The following TMOD3 variants were observed in gnomAD, a reference collection of about 807,000 sequenced individuals.
TMOD3 encodes tropomodulin-3.
TMOD3 carries 20 observed loss-of-function variants against 39.2 expected under a neutral mutation model. The observed-to-expected ratio is 0.51, with a 90% CI of 0.36 to 0.74. TMOD3 has a LOEUF of 0.74. TMOD3 is among the 30% of genes least tolerant of loss of function. TMOD3 has a pLI of 0.00. For missense variants in TMOD3, 381 were observed against 412.8 expected, an observed-to-expected ratio of 0.92 and a Z score of 0.67; for synonymous variants, 143 against 145.8, an observed-to-expected ratio of 0.98 and a Z score of 0.14.
Position 51,889,089 on chromosome 15 carries a change from CAA to C in TMOD3, c.442_443del (p.Lys148ValfsTer3). 6.3e-7 allele frequency: 1 copy of C among 1,588,422 alleles called. No homozygotes were observed. Among genetic ancestry groups the C allele is most frequent in the Non-Finnish European group, 8.5e-7 (1 of 1,172,300 alleles). On this transcript the variant is annotated frameshift_variant, in exon 5 of 10. Transcript: ENST00000308580. LOFTEE classifies it high-confidence loss of function. ...GGGATGCACAATTTGATAACGAATA[CAA>C]AGTTCTGTAATATAATGGGAAGTAG...
chr15:51,895,906 C>T (rs552498267), intron 6 of TMOD3, among the ~76,000 whole-genome samples: 2 of 152,180 alleles, frequency 1.3e-5, no homozygotes, highest in East Asian at 3.9e-4. Context: ...GTCAGGAGTT[C>T]GGGACCAGCC....
In TMOD3 at chr15:51,866,466, C is replaced by G. The variant is rs1433447892; in HGVS notation, c.127-2751C>G. On this transcript the variant is annotated intron_variant, in intron 2 of 9. Coordinates refer to ENST00000308580, the MANE Select transcript of TMOD3 (RefSeq NM_014547.5). ...GAGCAAGACCCTGTCTCCCCCCTAC[C>G]CAAAAAAAAGAAAGAAAAAAAAGGC... 2.0e-5 allele frequency among the ~76,000 whole-genome samples: 3 copies of G among 150,870 alleles called. No homozygotes were observed. In the East Asian group the frequency reaches 5.8e-4, roughly 29 times the overall value.
Position 51,893,844 on chromosome 15 carries a change from G to A in TMOD3, c.526G>A (p.Val176Ile), listed in dbSNP as rs757302528. 2 of 1,607,694 alleles carry A rather than the reference G, an allele frequency of 1.2e-6. No homozygotes were observed. The highest frequency in any genetic ancestry group is 3.4e-5 in the Admixed American group (2 of 59,534). ...GGTCAAAGGTGAAAAGATTCTTCCG[G>A]TATTTGATGAGCCACCAAATCCAAC... ...NVVKGEKILPVFDEPPNPTNV... is the reference protein window; with the variant it reads ...NVVKGEKILPIFDEPPNPTNV... Residue 176 changes from valine (V) to isoleucine (I), a missense_variant, in exon 6 of 10, where the codon GTA becomes ATA. Transcript: ENST00000308580.
chr15:51,913,884 A>G lies in TMOD3; in HGVS notation c.*5074A>G, dbSNP rs1378948222. ...AAAAATTAGCTGGGTGCGGTGGCGC[A>G]TGCCTGTAGTCCCATCTACTCGGAA... On this transcript the variant is annotated 3_prime_UTR_variant, in exon 10 of 10. Coordinates refer to ENST00000308580, the MANE Select transcript of TMOD3 (RefSeq NM_014547.5). 6.6e-6 allele frequency: 1 copy of G among 152,088 alleles called. No individual in the cohort carries two copies. The highest frequency in any genetic ancestry group is 1.9e-4 in the East Asian group (1 of 5,178). 9.4% of individuals were successfully genotyped at this position (152,088 alleles called of 1,614,324 possible). A position where few individuals can be genotyped will look rare whatever the true frequency, so the allele number is the denominator to read the frequency against.
chr15:51,868,889 T>C (rs2056460802), intron 2 of TMOD3, among the ~76,000 whole-genome samples: 1 of 152,172 alleles, frequency 6.6e-6, no homozygotes, highest in Non-Finnish European at 1.5e-5. Flanking sequence ...TGATAATCAC[T>C]TGAACCCAGG....
chr15:51,835,867 A>T (rs2056280270), intron 1 of TMOD3, among the ~76,000 whole-genome samples: 1 of 152,022 alleles, frequency 6.6e-6, no homozygotes, highest in Non-Finnish European at 1.5e-5. Context: ...CATAGTGTGC[A>T]TATTGTTTTT....
intron 5 of TMOD3, among the ~76,000 whole-genome samples, chr15:51,892,703 C>A (rs1234861280): frequency 6.6e-6 from 1 of 152,190 alleles, no homozygotes; most frequent in African/African-American, 2.4e-5. Context: ...TTATTCTTCT[C>A]ATTTAGGCTA....
intron 9 of TMOD3, among the ~76,000 whole-genome samples, chr15:51,905,668 T>G (rs539531802): frequency 6.6e-6 from 1 of 152,262 alleles, no homozygotes; most frequent in African/African-American, 2.4e-5. Flanking sequence ...ATTGCTCTAT[T>G]AGAGTTAGAA....
intron 3 of TMOD3, among the ~76,000 whole-genome samples, chr15:51,877,541 G>A (rs897496645): frequency 6.6e-6 from 1 of 152,108 alleles, no homozygotes; most frequent in Admixed American, 6.5e-5. Flanking sequence ...TTAGCTGGGT[G>A]TGGTGGCGGG....
intron 3 of TMOD3, among the ~76,000 whole-genome samples, chr15:51,884,370 G>A (rs2056549362): frequency 6.6e-6 from 1 of 152,228 alleles, no homozygotes; most frequent in East Asian, 1.9e-4. Flanking sequence ...TGTAGCTATA[G>A]TGAAATGTTC....
intron 1 of TMOD3, among the ~76,000 whole-genome samples, chr15:51,848,943 TGTA>T (rs1231736749): frequency 2.0e-5 from 3 of 152,206 alleles, no homozygotes; most frequent in Non-Finnish European, 4.4e-5. Flanking sequence ...TTTCTGAGGC[TGTA>T]GTGGGTTAAC....
chr15:51,900,778 A>G (rs1479551408), intron 8 of TMOD3, among the ~76,000 whole-genome samples: 1 of 152,228 alleles, frequency 6.6e-6, no homozygotes, highest in Non-Finnish European at 1.5e-5. Flanking sequence ...GTAAACTATG[A>G]AGGTGGAAAA....
chr15:51,880,510 A>T (rs375127620), intron 3 of TMOD3, among the ~76,000 whole-genome samples: 1 of 152,186 alleles, frequency 6.6e-6, no homozygotes, highest in African/African-American at 2.4e-5. Context: ...TCCATTCCCT[A>T]GCCCTTGACA....
At chr15:51,868,306 T>A (rs945286285) in intron 2 of TMOD3, among the ~76,000 whole-genome samples, 9 of 130,216 alleles carry the variant, frequency 6.9e-5, no homozygotes, top group Middle Eastern at 8.5e-3. Flanking sequence ...TAAAACTTTT[T>A]AAAAAAAACG....
chr15:51,839,541 T>C (rs1382025985), intron 1 of TMOD3, among the ~76,000 whole-genome samples: 1 of 151,886 alleles, frequency 6.6e-6, no homozygotes, highest in East Asian at 1.9e-4. Context: ...TTAGGTATAA[T>C]AGTCAATTCA....
In TMOD3 at chr15:51,843,558, G is replaced by T. The variant is rs190423022; in HGVS notation, c.-75+13722G>T. On this transcript the variant is annotated intron_variant, in intron 1 of 9. Transcript: ENST00000308580. ...CTTAGAGTCAGTTTGCTTGTCTAGAGCCTGGTCTGACAGAGGGCTTAGTAA... is the reference window on the plus strand; with the variant it reads ...CTTAGAGTCAGTTTGCTTGTCTAGATCCTGGTCTGACAGAGGGCTTAGTAA... Among the ~76,000 whole-genome samples the T allele has an allele frequency of 8.9e-3, 1,360 of 152,268 alleles. 25 individuals carry two copies. The highest frequency in any genetic ancestry group is 8.5e-3 in the Non-Finnish European group (580 of 68,026).
Position 51,914,074 on chromosome 15 carries a change from A to G in TMOD3, c.*5264A>G, listed in dbSNP as rs2056723579. Reference sequence around the variant, plus strand: ...TACTTTGGGAGACCAAGCAGGGAGGATTACTTGAGACCAGGAGTTTGAGAC... The same window carrying G: ...TACTTTGGGAGACCAAGCAGGGAGGGTTACTTGAGACCAGGAGTTTGAGAC... On this transcript the variant is annotated 3_prime_UTR_variant, in exon 10 of 10. Transcript: ENST00000308580. 6.6e-6 allele frequency: 1 copy of G among 151,196 alleles called. No homozygotes were observed. Among genetic ancestry groups the G allele is most frequent in the Admixed American group, 6.6e-5 (1 of 15,068 alleles). 9.4% of individuals were successfully genotyped at this position (151,196 alleles called of 1,614,324 possible).
chr15:51,912,037 T>A lies in TMOD3; in HGVS notation c.*3227T>A, dbSNP rs2056714268. On this transcript the variant is annotated 3_prime_UTR_variant, in exon 10 of 10. Transcript: ENST00000308580. ...AGATATTCGCTCTGGAGAAGTTACA[T>A]GTAAATAGAATTCTATAAATTGTTT... 6.6e-6 allele frequency: 1 copy of A among 152,198 alleles called. No individual in the cohort carries two copies. Among genetic ancestry groups the A allele is most frequent in the African/African-American group, 2.4e-5 (1 of 41,448 alleles). 9.4% of individuals were successfully genotyped at this position (152,198 alleles called of 1,614,324 possible).
intron 4 of TMOD3, 124 bp downstream of exon 4, chr15:51,887,835 C>T: frequency 8.1e-7 from 1 of 1,228,348 alleles, no homozygotes; most frequent in Non-Finnish European, 1.1e-6. Context: ...TCAGTAACCA[C>T]ATATTTGGCT....
Sources: gnomAD v4.1 joint callset for allele counts (sites outside exome capture counted in the v4.1 genomes callset) on GRCh38, gnomAD v4.1.1 for gene constraint, MANE v1.5 for transcripts, NCBI Gene and HGNC (gene_info 2026-07-23, HGNC 2026-07-21) for gene names.